CRYL1: variants seen among roughly 807,000 people sequenced by gnomAD.
The protein encoded by CRYL1 is lambda-crystallin homolog.
In CRYL1, 29 loss-of-function variants were observed where a neutral mutation model predicts 36.6. That is an observed-to-expected ratio of 0.79 (90% CI 0.59 to 1.08). The LOEUF is 1.08. Ranked by LOEUF, CRYL1 falls within the 50% of genes least tolerant of loss-of-function variation. The pLI, the probability that CRYL1 is intolerant of heterozygous loss-of-function variation, is 0.00. For missense variants in CRYL1, 411 were observed against 407.9 expected, an observed-to-expected ratio of 1.01 and a Z score of -0.06; for synonymous variants, 152 against 151.5, an observed-to-expected ratio of 1.00 and a Z score of -0.02.
At chr13:20,483,075 G>A (rs1427636101) in intron 3 of CRYL1, among the ~76,000 whole-genome samples, 1 of 152,016 alleles carries the variant, frequency 6.6e-6, no homozygotes, top group Non-Finnish European at 1.5e-5. Context: ...AAGAGAAGCT[G>A]GTTAATGAGT....
intron 2 of CRYL1, among the ~76,000 whole-genome samples, chr13:20,508,876 C>T (rs28539746): frequency 2.4e-5 from 1 of 41,422 alleles, no homozygotes; most frequent in Non-Finnish European, 4.5e-5. Context: ...AAAAAAAAAA[C>T]AAAAAAAAAA....
rs865858225 is a variant in CRYL1, at chr13:20,497,474, A to G, written c.150-7978T>C. Among the ~76,000 whole-genome samples the G allele has an allele frequency of 2.7e-4, 32 of 117,970 alleles. 2 individuals are homozygous for G. Among genetic ancestry groups the G allele is most frequent in the African/African-American group, 1.1e-3 (27 of 25,246 alleles). The allele number at this position is 117,970 out of a possible 152,430, so 77.4% of individuals were successfully genotyped here. A position where few individuals can be genotyped will look rare whatever the true frequency, so the allele number is the denominator to read the frequency against. ...CACCACATATACACACTACACACAC[A>G]CCACCACACACACAACTACACACAG... On this transcript the variant is annotated intron_variant, in intron 2 of 7. Transcript: ENST00000298248.
chr13:20,453,941 C>T (rs1016961339), intron 3 of CRYL1, among the ~76,000 whole-genome samples: 4 of 152,092 alleles, frequency 2.6e-5, no homozygotes, highest in African/African-American at 9.7e-5. Context: ...CACAAACTGC[C>T]AAAACTCACT....
intron 3 of CRYL1, among the ~76,000 whole-genome samples, chr13:20,443,951 C>T (rs567834072): frequency 4.6e-5 from 7 of 152,260 alleles, no homozygotes; most frequent in African/African-American, 1.7e-4. Flanking sequence ...AAGATGGAGG[C>T]GTTCTACATT....
Position 20,525,799 on chromosome 13 carries a change from G to A in CRYL1, c.-5C>T. Reference sequence around the variant, plus strand: ...GCCGGCCGCGGAGGACGCCATGGTTGGGCCGGGGACGCGGCGCCGCGGGCG... The same window carrying A: ...GCCGGCCGCGGAGGACGCCATGGTTAGGCCGGGGACGCGGCGCCGCGGGCG... On this transcript the variant is annotated 5_prime_UTR_variant, in exon 1 of 8. Coordinates refer to ENST00000298248, the MANE Select transcript of CRYL1 (RefSeq NM_015974.3). This position sits in a 1 kb window ranked among gnomAD's most constrained non-coding sequence, Gnocchi z 4.3. 1 of 1,250,326 alleles carries A rather than the reference G, an allele frequency of 8.0e-7. No homozygotes were observed. The allele number at this position is 1,250,326 out of a possible 1,614,324, so 77.5% of individuals were successfully genotyped here.
chr13:20,431,095 A>C, intron 5 of CRYL1: 1 of 985,448 alleles, frequency 1.0e-6, no homozygotes, highest in Non-Finnish European at 1.2e-6. Context: ...GATTTGGCCC[A>C]ACAAGAGAAG....
intron 3 of CRYL1, among the ~76,000 whole-genome samples, chr13:20,457,899 G>C (rs1334899818): frequency 1.3e-5 from 2 of 152,182 alleles, no homozygotes; most frequent in East Asian, 3.9e-4. Context: ...GAAGTCATCT[G>C]TGCAGTCTAT....
chr13:20,498,237 C>T (rs2033646886), intron 2 of CRYL1, among the ~76,000 whole-genome samples: 3 of 150,708 alleles, frequency 2.0e-5, no homozygotes, highest in South Asian at 4.2e-4. Flanking sequence ...ACACTACATA[C>T]ATGCCACCCT....
At chr13:20,485,613 G>A (rs920712593) in intron 3 of CRYL1, among the ~76,000 whole-genome samples, 1 of 151,784 alleles carries the variant, frequency 6.6e-6, no homozygotes, top group Non-Finnish European at 1.5e-5. Context: ...AGGTTGCAGG[G>A]AGCTGAGATC....
intron 3 of CRYL1, among the ~76,000 whole-genome samples, chr13:20,474,127 G>A (rs970716998): frequency 3.9e-5 from 6 of 152,200 alleles, no homozygotes; most frequent in African/African-American, 1.4e-4. Context: ...GAGAGCAGCA[G>A]CTAGAGCTCA....
chr13:20,408,844 A>G (rs2031448247), intron 6 of CRYL1, among the ~76,000 whole-genome samples: 1 of 152,132 alleles, frequency 6.6e-6, no homozygotes, highest in African/African-American at 2.4e-5. Context: ...TCAAGGAAAT[A>G]AAAGAGGATA....
intron 3 of CRYL1, among the ~76,000 whole-genome samples, chr13:20,459,202 C>T (rs937894972): frequency 1.4e-4 from 21 of 146,818 alleles, no homozygotes; most frequent in African/African-American, 5.4e-4. Flanking sequence ...CGCCGCTGTA[C>T]TCCAGCCTGG....
At chr13:20,517,165 T>A (rs560488162) in intron 1 of CRYL1, among the ~76,000 whole-genome samples, 4 of 152,254 alleles carry the variant, frequency 2.6e-5, no homozygotes, top group Admixed American at 2.0e-4. Context: ...AAATTCTACC[T>A]CTGGCACCCA....
chr13:20,507,712 A>C (rs1219939056), intron 2 of CRYL1, among the ~76,000 whole-genome samples: 1 of 151,760 alleles, frequency 6.6e-6, no homozygotes, highest in East Asian at 2.0e-4. Context: ...AGGTCAGGAG[A>C]TCGAGACCAT....
intron 3 of CRYL1, among the ~76,000 whole-genome samples, chr13:20,460,805 G>T (rs992562680): frequency 6.6e-6 from 1 of 152,122 alleles, no homozygotes; most frequent in African/African-American, 2.4e-5. Flanking sequence ...GATTACAGAC[G>T]TGAGCCACTG....
chr13:20,409,839 T>C (rs2137363056), intron 6 of CRYL1, among the ~76,000 whole-genome samples: 1 of 152,114 alleles, frequency 6.6e-6, no homozygotes, highest in African/African-American at 2.4e-5. Context: ...TGAGATACCA[T>C]CTCACACCAG....
intron 3 of CRYL1, among the ~76,000 whole-genome samples, chr13:20,468,537 A>G (rs1190309695): frequency 1.3e-5 from 2 of 152,208 alleles, no homozygotes; most frequent in African/African-American, 4.8e-5. Flanking sequence ...TAACTGAACA[A>G]AGAAGAAGCC....
intron 1 of CRYL1, among the ~76,000 whole-genome samples, chr13:20,519,553 A>G (rs4770051): frequency 0.84 from 127,214 of 150,574 alleles, 56,649 homozygotes; most frequent in East Asian, 1. Context: ...GCTTGCACCC[A>G]GGAGTTCAAG....
At chr13:20,410,033 G>A (rs1458821386) in intron 6 of CRYL1, among the ~76,000 whole-genome samples, 1 of 151,734 alleles carries the variant, frequency 6.6e-6, no homozygotes, top group Non-Finnish European at 1.5e-5. Flanking sequence ...CCATTACTGG[G>A]TATATACCCA....
Sources: allele counts gnomAD v4.1 joint callset (sites outside exome capture counted in the v4.1 genomes callset), GRCh38; gene constraint gnomAD v4.1.1; non-coding constraint Gnocchi (gnomAD v3.1); transcripts MANE v1.5; gene names NCBI Gene and HGNC (gene_info 2026-07-23, HGNC 2026-07-21).